Variants in SPMAP2L observed in about 807,000 individuals in gnomAD.
SPMAP2L encodes the protein sperm microtubule associated protein 2-like.
the SPMAP2L span, among the ~76,000 whole-genome samples, chr4:56,567,825 G>GT: frequency 6.6e-6 from 1 of 151,344 alleles, no homozygotes; most frequent in Non-Finnish European, 1.5e-5. Flanking sequence ...ATATCTTAAT[G>GT]TTTTTTTCAT....
chr4:56,603,191 C>A, the SPMAP2L span: 1 of 1,494,820 alleles, frequency 6.7e-7, no homozygotes, highest in Non-Finnish European at 8.9e-7. Flanking sequence ...AGGTTGATTT[C>A]TTTTTCCCCT....
the SPMAP2L span, chr4:56,592,887 A>G: frequency 6.2e-7 from 1 of 1,608,126 alleles, no homozygotes; most frequent in Non-Finnish European, 8.5e-7. Flanking sequence ...GACCAGAGAG[A>G]GATGCTGCAG....
the SPMAP2L span, among the ~76,000 whole-genome samples, chr4:56,606,407 C>T: frequency 1.3e-5 from 2 of 152,226 alleles, no homozygotes; most frequent in Admixed American, 6.5e-5. Context: ...CCAAGTCAGC[C>T]ACACCCATTG....
chr4:56,607,572 C>G, the SPMAP2L span, among the ~76,000 whole-genome samples: 2 of 152,068 alleles, frequency 1.3e-5, no homozygotes, highest in South Asian at 4.2e-4. Context: ...CTAGAAAAAG[C>G]CTGTGTTGCC....
chr4:56,543,758 A>G, the SPMAP2L span, among the ~76,000 whole-genome samples: 6 of 152,148 alleles, frequency 3.9e-5, no homozygotes, highest in South Asian at 2.1e-4. Flanking sequence ...TAGGATTATG[A>G]GATTATATTC....
the SPMAP2L span, among the ~76,000 whole-genome samples, chr4:56,572,850 T>G: frequency 6.6e-5 from 10 of 152,182 alleles, no homozygotes; most frequent in South Asian, 1.9e-3. Context: ...ACCCTGTCTA[T>G]ACTAAAAATA....
At chr4:56,531,120 C>G in the SPMAP2L span, 1,340 of 1,535,380 alleles carry the variant, frequency 8.7e-4, 14 homozygotes, top group African/African-American at 0.017. Flanking sequence ...TGATCTCCCC[C>G]TCTCTGATCA....
chr4:56,604,534 T>A, the SPMAP2L span, among the ~76,000 whole-genome samples: 1 of 151,880 alleles, frequency 6.6e-6, no homozygotes, highest in South Asian at 2.1e-4. Context: ...GGTACACACC[T>A]GTAATCCCAG....
chr4:56,610,985 A>T, the SPMAP2L span, among the ~76,000 whole-genome samples: 2 of 152,226 alleles, frequency 1.3e-5, no homozygotes, highest in Admixed American at 1.3e-4. Context: ...ACACTTCTAC[A>T]TTGCTCATGG....
chr4:56,570,963 C>T, the SPMAP2L span, among the ~76,000 whole-genome samples: 1 of 151,984 alleles, frequency 6.6e-6, no homozygotes, highest in South Asian at 2.1e-4. Context: ...GCTACCACAC[C>T]CCGTTAACTT....
the SPMAP2L span, chr4:56,584,554 G>T: frequency 6.5e-7 from 1 of 1,535,302 alleles, no homozygotes; most frequent in African/African-American, 1.4e-5. Flanking sequence ...CTTCTCCCCG[G>T]ATATTACAAC....
the SPMAP2L span, chr4:56,530,946 G>GC: frequency 6.5e-7 from 1 of 1,535,034 alleles, no homozygotes; most frequent in Non-Finnish European, 8.7e-7. Context: ...CTCCCTATGC[G>GC]CCCCACAAGC....
the SPMAP2L span, among the ~76,000 whole-genome samples, chr4:56,533,217 C>A: frequency 6.6e-6 from 1 of 152,186 alleles, no homozygotes; most frequent in Admixed American, 6.5e-5. Flanking sequence ...ACCTTTAAAT[C>A]CATGCCCCTG....
the SPMAP2L span, among the ~76,000 whole-genome samples, chr4:56,614,098 G>T: frequency 6.6e-6 from 1 of 152,148 alleles, no homozygotes; most frequent in African/African-American, 2.4e-5. Flanking sequence ...AATTCGAGGG[G>T]TCCGGTCTAG....
the SPMAP2L span, among the ~76,000 whole-genome samples, chr4:56,549,227 T>TCTGCC: frequency 2.8e-4 from 42 of 152,246 alleles, no homozygotes; most frequent in African/African-American, 9.4e-4. Flanking sequence ...GACCTCGTGA[T>TCTGCC]CTGCCCGCCT....
At chr4:56,546,782 AG>A in the SPMAP2L span, among the ~76,000 whole-genome samples, 1 of 152,212 alleles carries the variant, frequency 6.6e-6, no homozygotes. Context: ...CAGGTCATAA[AG>A]CTGAAAGGCA....
At chr4:56,605,412 G>A in the SPMAP2L span, among the ~76,000 whole-genome samples, 3 of 152,124 alleles carry the variant, frequency 2.0e-5, no homozygotes, top group Non-Finnish European at 2.9e-5. Flanking sequence ...TACAACACTA[G>A]CAAGTACTAT....
the SPMAP2L span, among the ~76,000 whole-genome samples, chr4:56,553,180 C>CTTTTT: frequency 3.3e-5 from 1 of 29,988 alleles, no homozygotes; most frequent in African/African-American, 1.3e-4. Flanking sequence ...TCTCCTATTG[C>CTTTTT]TTTTTTTTTT....
the SPMAP2L span, chr4:56,584,506 T>C: frequency 6.5e-7 from 1 of 1,534,566 alleles, no homozygotes; most frequent in Non-Finnish European, 8.7e-7. Context: ...GACCCTTCAG[T>C]GATAACTCAG....
Sources: gnomAD v4.1 joint callset for allele counts (sites outside exome capture counted in the v4.1 genomes callset) on GRCh38, gnomAD v4.1.1 for gene constraint, MANE v1.5 for transcripts, NCBI Gene and HGNC (gene_info 2026-07-23, HGNC 2026-07-21) for gene names.